The following SASH1 variants were observed in gnomAD, a reference collection of about 807,000 sequenced individuals.
SASH1 encodes the protein SAM and SH3 domain-containing protein 1.
In SASH1, 44 loss-of-function variants were observed where a neutral mutation model predicts 125.2. The ratio of observed to expected loss-of-function variants is 0.35; its 90% confidence interval spans 0.28 to 0.45. The LOEUF (loss-of-function observed/expected upper bound fraction) is 0.45, where lower values mean the gene tolerates loss of function less well. Ranked by LOEUF, SASH1 falls within the 20% of genes least tolerant of loss-of-function variation. The pLI is 1.00. For synonymous variants in SASH1, 639 were observed against 649.1 expected, an observed-to-expected ratio of 0.98 and a Z score of 0.24; for missense variants, 1,426 against 1,614.5, an observed-to-expected ratio of 0.88 and a Z score of 2.00.
At chr6:148,366,129 A>G (rs925828512) in intron 1 of SASH1, among the ~76,000 whole-genome samples, 3 of 151,974 alleles carry the variant, frequency 2.0e-5, no homozygotes, top group African/African-American at 4.8e-5. Flanking sequence ...GAAAAGAAAA[A>G]AAAAAATTAG....
intron 2 of SASH1, among the ~76,000 whole-genome samples, chr6:148,437,730 AAATTTGTTT>A (rs1776355082): frequency 6.6e-6 from 1 of 152,368 alleles, no homozygotes; most frequent in South Asian, 2.1e-4. Flanking sequence ...TTAAAAAAAA[AAATTTGTTT>A]AAATAGCTAA....
chr6:148,410,213 C>T (rs1411431693), intron 2 of SASH1, among the ~76,000 whole-genome samples: 1 of 138,562 alleles, frequency 7.2e-6, no homozygotes, highest in Non-Finnish European at 1.5e-5. Context: ...CGGGTTCAAG[C>T]AATTCTCCTG....
At chr6:148,456,224 C>G (rs2115059733) in intron 4 of SASH1, among the ~76,000 whole-genome samples, 1 of 152,292 alleles carries the variant, frequency 6.6e-6, no homozygotes, top group Admixed American at 6.5e-5. Context: ...AGGGCCAGCC[C>G]CCTGCTGCCT....
the SASH1 span, among the ~76,000 whole-genome samples, chr6:148,213,256 C>G: frequency 1.3e-4 from 19 of 152,000 alleles, no homozygotes; most frequent in Non-Finnish European, 2.5e-4. Context: ...TGAGAAGAAC[C>G]CTCTCTGTGG....
chr6:148,263,988 T>C, the SASH1 span, among the ~76,000 whole-genome samples: 6,368 of 152,162 alleles, frequency 0.042, 181 homozygotes, highest in Non-Finnish European at 0.059. Context: ...TTATCCTAGG[T>C]GTCGTTTTGT....
chr6:148,226,866 A>G, the SASH1 span, among the ~76,000 whole-genome samples: 1 of 152,132 alleles, frequency 6.6e-6, no homozygotes. Context: ...ATTGGGTTAT[A>G]TGTCTCTGCC....
chr6:148,549,422 C>T lies in SASH1; in HGVS notation c.*864C>T, dbSNP rs185952404. The T allele has an allele frequency of 2.8e-5, 11 of 391,516 alleles. No individual in the cohort carries two copies. The highest frequency in any genetic ancestry group is 3.6e-5 in the Non-Finnish European group (8 of 221,970). The allele number at this position is 391,516 out of a possible 1,614,324, so 24.3% of individuals were successfully genotyped here. On this transcript the variant is annotated 3_prime_UTR_variant, in exon 20 of 20. Coordinates refer to ENST00000367467, the MANE Select transcript of SASH1 (RefSeq NM_015278.5). Reference sequence around the variant, plus strand: ...TATCATGTGTGTGCGTGCGTGCGTGCGCGTGTGTGTCTGTATTCATAGTGA... The same window carrying T: ...TATCATGTGTGTGCGTGCGTGCGTGTGCGTGTGTGTCTGTATTCATAGTGA...
chr6:148,269,109 C>A (rs184025063), upstream of SASH1, among the ~76,000 whole-genome samples: 7 of 152,192 alleles, frequency 4.6e-5, no homozygotes, highest in African/African-American at 1.4e-4. Flanking sequence ...TATGAAATAA[C>A]AAGACATTAT....
intron 2 of SASH1, among the ~76,000 whole-genome samples, chr6:148,428,954 C>G (rs1304475004): frequency 1.3e-5 from 2 of 152,130 alleles, no homozygotes; most frequent in Non-Finnish European, 2.9e-5. Context: ...TGACTAACAT[C>G]TTCTGCTATA....
At chr6:148,296,837 T>A (rs577352345) in intron 1 of SASH1, among the ~76,000 whole-genome samples, 66 of 152,334 alleles carry the variant, frequency 4.3e-4, no homozygotes, top group African/African-American at 1.5e-3. Context: ...AAGTCTGATG[T>A]AGTTTACTAC....
At chr6:148,360,945 A>C (rs1009457913) in intron 1 of SASH1, among the ~76,000 whole-genome samples, 2 of 152,178 alleles carry the variant, frequency 1.3e-5, no homozygotes, top group Non-Finnish European at 2.9e-5. Context: ...AGCCAAGTTA[A>C]GTTGAGGTCA....
At chr6:148,338,600 G>A (rs1748005363), upstream of SASH1, among the ~76,000 whole-genome samples, 2 of 152,166 alleles carry the variant, frequency 1.3e-5, no homozygotes, top group Admixed American at 1.3e-4. Context: ...TTTCCATGAG[G>A]TAGAATTCTA....
At chr6:148,281,660 C>T (rs796862290) in intron 1 of SASH1, among the ~76,000 whole-genome samples, 21 of 152,202 alleles carry the variant, frequency 1.4e-4, no homozygotes, top group African/African-American at 2.9e-4. Flanking sequence ...CGGTGGCTCA[C>T]GCCTGTAATC....
chr6:148,314,550 A>T (rs975323204), intron 1 of SASH1, among the ~76,000 whole-genome samples: 1 of 152,148 alleles, frequency 6.6e-6, no homozygotes, highest in Admixed American at 6.6e-5. Context: ...TTTCTAAGAC[A>T]TTCACGGTCA....
intron 1 of SASH1, among the ~76,000 whole-genome samples, chr6:148,383,982 T>A (rs559475278): frequency 1.3e-5 from 2 of 152,162 alleles, no homozygotes; most frequent in African/African-American, 4.8e-5. Context: ...GGGGGAAGAT[T>A]ATACAAGTTT....
chr6:148,368,764 G>GCGCGTGCGCA (rs1447756653), intron 1 of SASH1, among the ~76,000 whole-genome samples: 8 of 16,620 alleles, frequency 4.8e-4, no homozygotes, highest in Non-Finnish European at 6.9e-4. Flanking sequence ...GCGCGCGCAC[G>GCGCGTGCGCA]CGCGCGCACA....
chr6:148,487,190 T>C (rs527312486), intron 7 of SASH1, among the ~76,000 whole-genome samples: 1 of 150,668 alleles, frequency 6.6e-6, no homozygotes, highest in African/African-American at 2.4e-5. Flanking sequence ...TCATTTTCTC[T>C]TCCTAAAAAG....
At chr6:148,282,941 C>T (rs574230858) in intron 1 of SASH1, among the ~76,000 whole-genome samples, 23 of 152,198 alleles carry the variant, frequency 1.5e-4, no homozygotes, top group African/African-American at 4.8e-4. Flanking sequence ...ATTTGTCTGC[C>T]AGAGAAGACA....
intron 2 of SASH1, among the ~76,000 whole-genome samples, chr6:148,435,076 A>ATATT (rs1776237784): frequency 6.6e-6 from 1 of 151,792 alleles, no homozygotes; most frequent in Non-Finnish European, 1.5e-5. Context: ...AAATATTGAA[A>ATATT]GCATTGCTAG....
Sources: gnomAD v4.1 joint callset for allele counts (sites outside exome capture counted in the v4.1 genomes callset) on GRCh38, gnomAD v4.1.1 for gene constraint, MANE v1.5 for transcripts, NCBI Gene and HGNC (gene_info 2026-07-23, HGNC 2026-07-21) for gene names.